The following AHCYL2 variants were observed in gnomAD, a reference collection of about 807,000 sequenced individuals.
AHCYL2 encodes the protein S-adenosylhomocysteine hydrolase-like protein 2.
AHCYL2 carries 28 observed loss-of-function variants against 81.4 expected under a neutral mutation model. The observed-to-expected ratio is 0.34, with a 90% confidence interval of 0.25 to 0.47. The LOEUF is 0.47. AHCYL2 is among the 20% of genes least tolerant of loss of function. The pLI is 1.00. For missense variants in AHCYL2, 551 were observed against 785.1 expected, an observed-to-expected ratio of 0.70 and a Z score of 3.56; for synonymous variants, 272 against 290.2, an observed-to-expected ratio of 0.94 and a Z score of 0.64.
intron 1 of AHCYL2, among the ~76,000 whole-genome samples, chr7:129,307,409 C>T (rs1356907835): frequency 6.6e-6 from 1 of 152,074 alleles, no homozygotes; most frequent in African/African-American, 2.4e-5. Flanking sequence ...CCTATGAGTA[C>T]CAGGGCACCA....
Position 129,429,389 on chromosome 7 carries a change from A to G in AHCYL2, c.*2344A>G, listed in dbSNP as rs1201289179. On this transcript the variant is annotated 3_prime_UTR_variant, in exon 17 of 17. Coordinates refer to ENST00000325006, the MANE Select transcript of AHCYL2 (RefSeq NM_015328.4). ...AGAGCAATGTGTCTTCTTTCCTCCA[A>G]CCTCTTACCTTAGATGCATCCTGGT... The G allele has an allele frequency of 6.6e-6, 1 of 152,088 alleles. No homozygotes were observed. Among genetic ancestry groups the G allele is most frequent in the Non-Finnish European group, 1.5e-5 (1 of 68,000 alleles). The allele number at this position is 152,088 out of a possible 1,614,324, so 9.4% of individuals were successfully genotyped here. A position where few individuals can be genotyped will look rare whatever the true frequency, so the allele number is the denominator to read the frequency against.
intron 1 of AHCYL2, among the ~76,000 whole-genome samples, chr7:129,291,330 A>G (rs1259063695): frequency 3.3e-5 from 5 of 152,068 alleles, no homozygotes; most frequent in African/African-American, 2.4e-5. Flanking sequence ...TCTTACCACA[A>G]CTCTATAAAG....
intron 1 of AHCYL2, among the ~76,000 whole-genome samples, chr7:129,280,468 C>A (rs1458201085): frequency 6.6e-6 from 1 of 152,046 alleles, no homozygotes; most frequent in Non-Finnish European, 1.5e-5. Flanking sequence ...TATGCTCGGC[C>A]CTAAATTTGC....
intron 1 of AHCYL2, among the ~76,000 whole-genome samples, chr7:129,321,766 G>GTTTTTTTTTTTTTTTTTTTTTTGT (rs1315391980): frequency 1.9e-5 from 2 of 107,484 alleles, no homozygotes; most frequent in East Asian, 2.9e-4. Flanking sequence ...TTTTTTTTTG[G>GTTTTTTTTTTTTTTTTTTTTTTGT]TCTTGGTTTT....
chr7:129,245,170 G>A (rs537955481), intron 1 of AHCYL2, among the ~76,000 whole-genome samples: 8 of 151,808 alleles, frequency 5.3e-5, no homozygotes, highest in South Asian at 2.1e-4. Context: ...GATTATAGGC[G>A]TGTACCACCA....
intron 8 of AHCYL2, 80 bp downstream of exon 8, chr7:129,405,293 A>G (rs1796246949): frequency 9.9e-7 from 1 of 1,010,080 alleles, no homozygotes; most frequent in East Asian, 2.7e-5. Context: ...ATTTCTGGAA[A>G]GGATTCATGT....
chr7:129,322,961 T>C lies in AHCYL2; in HGVS notation c.364-56677T>C, dbSNP rs190570330. Among the ~76,000 whole-genome samples the C allele has an allele frequency of 1.1e-3, 170 of 152,354 alleles. 1 individual carries two copies. Among genetic ancestry groups the C allele is most frequent in the African/African-American group, 3.8e-3 (158 of 41,590 alleles). On this transcript the variant is annotated intron_variant, in intron 1 of 16. Transcript: ENST00000325006. ...AGGGTTACCTCTGTCATTCTTGATA[T>C]TATTCCTTTGGATCTTCTCTCTTTT...
chr7:129,326,016 A>G (rs943569257), intron 1 of AHCYL2, among the ~76,000 whole-genome samples: 6 of 152,106 alleles, frequency 3.9e-5, no homozygotes, highest in Admixed American at 3.9e-4. Context: ...AAGTTTTTTA[A>G]ATGTGATTTT....
At chr7:129,265,081 A>T (rs527427604) in intron 1 of AHCYL2, among the ~76,000 whole-genome samples, 29 of 152,326 alleles carry the variant, frequency 1.9e-4, no homozygotes, top group Admixed American at 7.2e-4. Context: ...TTTTATTTAT[A>T]AAGAAATATA....
intron 1 of AHCYL2, among the ~76,000 whole-genome samples, chr7:129,309,246 A>C (rs1004148149): frequency 6.8e-5 from 10 of 146,102 alleles, no homozygotes; most frequent in African/African-American, 2.6e-4. Context: ...CAACAACAAA[A>C]ATTATGGTTA....
At chr7:129,400,258 T>C in intron 5 of AHCYL2, 32 bp from the exon 6 acceptor site, 2 of 1,606,474 alleles carry the variant, frequency 1.2e-6, no homozygotes, top group Non-Finnish European at 8.5e-7. Context: ...TTTTGGTCTT[T>C]AATGGTTTCC....
chr7:129,226,498 ATTG>A (rs1349368318), intron 1 of AHCYL2, among the ~76,000 whole-genome samples: 4 of 152,134 alleles, frequency 2.6e-5, no homozygotes, highest in African/African-American at 9.7e-5. Context: ...TTTTTTTTAA[ATTG>A]TTGTGAATGG....
chr7:129,373,039 C>T (rs1223219013), intron 1 of AHCYL2, among the ~76,000 whole-genome samples: 3 of 152,068 alleles, frequency 2.0e-5, no homozygotes, highest in South Asian at 2.1e-4. Flanking sequence ...GTAGCATCAG[C>T]GTCTCCCGGG....
chr7:129,248,188 C>T (rs1295559619), intron 1 of AHCYL2, among the ~76,000 whole-genome samples: 1 of 152,172 alleles, frequency 6.6e-6, no homozygotes, highest in African/African-American at 2.4e-5. Context: ...TTCTTCTGTT[C>T]CATTGATCAG....
Position 129,294,521 on chromosome 7 carries a change from C to T in AHCYL2, c.363+69082C>T, listed in dbSNP as rs531951473. 3.9e-5 allele frequency among the ~76,000 whole-genome samples: 6 copies of T among 152,252 alleles called. No homozygotes were observed. In the East Asian group the frequency reaches 1.2e-3, roughly 29 times the overall value. ...AGATGGTATATCAATTTTTCTGATA[C>T]AGCAATTGAAGCCAGTTATCAATTT... On this transcript the variant is annotated intron_variant, in intron 1 of 16. Coordinates refer to ENST00000325006, the MANE Select transcript of AHCYL2 (RefSeq NM_015328.4).
intron 1 of AHCYL2, among the ~76,000 whole-genome samples, chr7:129,271,134 G>A (rs182019534): frequency 7.3e-4 from 111 of 151,920 alleles, no homozygotes; most frequent in African/African-American, 2.5e-3. Context: ...AGGCCGAGGC[G>A]GGCGGATCAC....
chr7:129,278,729 T>G (rs1287003934), intron 1 of AHCYL2, among the ~76,000 whole-genome samples: 4 of 151,852 alleles, frequency 2.6e-5, no homozygotes, highest in Admixed American at 2.6e-4. Flanking sequence ...TTTGAGTTAA[T>G]TTTTGCATAT....
In AHCYL2 at chr7:129,368,240, ACTTTGCAT is replaced by A; in HGVS notation, c.364-11396_364-11389del. 7.3e-7 allele frequency: 1 copy of A among 1,375,156 alleles called. No individual in the cohort carries two copies. The highest frequency in any genetic ancestry group is 1.7e-5 in the South Asian group (1 of 60,040). 85.2% of individuals were successfully genotyped at this position (1,375,156 alleles called of 1,614,324 possible). On this transcript the variant is annotated intron_variant, in intron 1 of 16. Transcript: ENST00000325006. This position sits in a 1 kb window ranked among gnomAD's most constrained non-coding sequence, Gnocchi z 4.4. Reference sequence around the variant, plus strand: ...GAGAAGCACAGTGCCTGGGTGCAGCACTTTGCATCAGCTCTGATTTTGAAATCAGACAC... The same window carrying A: ...GAGAAGCACAGTGCCTGGGTGCAGCACAGCTCTGATTTTGAAATCAGACAC...
chr7:129,381,248 CTAGA>C (rs989630287), intron 2 of AHCYL2, among the ~76,000 whole-genome samples: 1 of 152,158 alleles, frequency 6.6e-6, no homozygotes. Context: ...CCCCTACACA[CTAGA>C]TATACATATC....
Sources: gnomAD v4.1 joint callset for allele counts (sites outside exome capture counted in the v4.1 genomes callset) on GRCh38, gnomAD v4.1.1 for gene constraint, Gnocchi (gnomAD v3.1) non-coding constraint, MANE v1.5 for transcripts, NCBI Gene and HGNC (gene_info 2026-07-23, HGNC 2026-07-21) for gene names.